The following NPR3 variants were observed in gnomAD, a reference collection of about 807,000 sequenced individuals.
NPR3 encodes natriuretic peptide receptor 3.
In NPR3, 34 loss-of-function variants were observed where a neutral mutation model predicts 54.5. The ratio of observed to expected loss-of-function variants is 0.62; its 90% CI spans 0.47 to 0.83. NPR3 has a LOEUF of 0.83. NPR3 is among the 40% of genes least tolerant of loss of function. The pLI is 0.00. For missense variants in NPR3, 674 were observed against 720.8 expected (o/e 0.94, Z 0.74); for synonymous variants, 289 against 297.1 (o/e 0.97, Z 0.28).
At chr5:32,718,243 C>A (rs547739858) in intron 1 of NPR3, among the ~76,000 whole-genome samples, 3 of 152,104 alleles carry the variant, frequency 2.0e-5, no homozygotes, top group Admixed American at 2.0e-4. Context: ...GTTACTGTAG[C>A]CTTGTAGTAT....
At chr5:32,753,925 T>C (rs1350790995) in intron 3 of NPR3, among the ~76,000 whole-genome samples, 4 of 152,332 alleles carry the variant, frequency 2.6e-5, no homozygotes, top group South Asian at 2.1e-4. Flanking sequence ...AAGTTTTGCA[T>C]TGCACTAGTA....
intron 3 of NPR3, among the ~76,000 whole-genome samples, chr5:32,751,230 C>A (rs929134115): frequency 6.6e-6 from 1 of 152,138 alleles, no homozygotes; most frequent in Non-Finnish European, 1.5e-5. Flanking sequence ...CAATTTTATA[C>A]CCTTTCTACA....
At position 32,787,152 on chromosome 5, in the gene NPR3, C is replaced by G. The variant is rs898037346; in HGVS notation, c.*807C>G. 6.6e-6 allele frequency: 1 copy of G among 152,550 alleles called. No individual in the cohort carries two copies. Among genetic ancestry groups the G allele is most frequent in the Admixed American group, 6.5e-5 (1 of 15,274 alleles). 9.4% of individuals were successfully genotyped at this position (152,550 alleles called of 1,614,324 possible). The stretch of plus-strand genomic sequence containing the variant: ...TTAAATGTTGCTTACATTTTAAAAG[C>G]ATGGGTGAAGTGTACAACAAACCAA... On this transcript the variant is annotated 3_prime_UTR_variant, in exon 8 of 8. Coordinates refer to ENST00000265074, the MANE Select transcript of NPR3 (RefSeq NM_001204375.2).
chr5:32,699,462 A>G (rs954088853), intron 1 of NPR3, among the ~76,000 whole-genome samples: 2 of 151,892 alleles, frequency 1.3e-5, no homozygotes, highest in African/African-American at 4.8e-5. Flanking sequence ...CCCTCCACTC[A>G]TCCCCTAACC....
intron 1 of NPR3, among the ~76,000 whole-genome samples, chr5:32,722,353 A>G (rs561785995): frequency 6.6e-6 from 1 of 152,170 alleles, no homozygotes; most frequent in East Asian, 1.9e-4. Context: ...CTTGCATCCT[A>G]CTGCTTATAA....
chr5:32,731,268 A>G lies in NPR3; in HGVS notation c.892+6448A>G, dbSNP rs145950991. On this transcript the variant is annotated intron_variant, in intron 2 of 7. Transcript: ENST00000265074. ...TGCTCTTATACAACTTACAAAGTATACTTGGGGTTTCTGATTAGATCCTTT... is the reference window on the plus strand; with the variant it reads ...TGCTCTTATACAACTTACAAAGTATGCTTGGGGTTTCTGATTAGATCCTTT... 3.4e-3 allele frequency among the ~76,000 whole-genome samples: 525 copies of G among 152,328 alleles called. 1 individual carries two copies. Among genetic ancestry groups the G allele is most frequent in the Non-Finnish European group, 6.2e-3 (420 of 68,028 alleles).
chr5:32,739,942 G>C (rs750189503), intron 3 of NPR3, among the ~76,000 whole-genome samples: 1 of 151,970 alleles, frequency 6.6e-6, no homozygotes, highest in East Asian at 1.9e-4. Context: ...GTGCAGTGGC[G>C]CGATCACGGC....
At chr5:32,786,136 A>G (rs1408463224) in intron 7 of NPR3, 98 bp from the exon 8 acceptor site, 3 of 614,234 alleles carry the variant, frequency 4.9e-6, no homozygotes, top group South Asian at 2.2e-5. Flanking sequence ...TCATTTATCA[A>G]CTGAAACCCA....
intron 3 of NPR3, among the ~76,000 whole-genome samples, chr5:32,740,780 G>T (rs1211653340): frequency 6.6e-6 from 1 of 152,188 alleles, no homozygotes; most frequent in Non-Finnish European, 1.5e-5. Flanking sequence ...CAGAGGCCTT[G>T]TTCGAGTGCT....
upstream of NPR3, chr5:32,710,897 TG>T (rs1242133502): frequency 5.6e-6 from 4 of 716,214 alleles, no homozygotes; most frequent in Non-Finnish European, 7.6e-6. Context: ...TGTGTATATG[TG>T]TGTGTGTGTG....
At chr5:32,728,827 GTGTGTGTGTGTATATATATATATATATA>G (rs1466935569) in intron 2 of NPR3, among the ~76,000 whole-genome samples, 1 of 81,130 alleles carries the variant, frequency 1.2e-5, no homozygotes, top group Non-Finnish European at 2.5e-5. Flanking sequence ...GTGTGTGTGT[GTGTGTGTGTGTATATATATATATATATA>G]TATATATATA....
intron 3 of NPR3, among the ~76,000 whole-genome samples, chr5:32,762,033 A>T (rs886977222): frequency 1.3e-5 from 2 of 152,144 alleles, no homozygotes; most frequent in East Asian, 3.8e-4. Context: ...ATGAGTGAGA[A>T]CATGTGGTGT....
Position 32,704,370 on chromosome 5 carries a change from TTGTGTG to T in NPR3, c.100+15212_100+15217del, listed in dbSNP as rs57959913. 2.9e-3 allele frequency among the ~76,000 whole-genome samples: 433 copies of T among 146,882 alleles called. 5 individuals carry two copies. Among genetic ancestry groups the T allele is most frequent in the South Asian group, 0.018 (80 of 4,522 alleles). ...TCTTATGAAGTGTTCTTTTGGCTCTTTGTGTGTGTGTGTGTGTGTGTGTGTGTGTGT... is the reference window on the plus strand; with the variant it reads ...TCTTATGAAGTGTTCTTTTGGCTCTTTGTGTGTGTGTGTGTGTGTGTGTGT... On this transcript the variant is annotated intron_variant, in intron 1 of 5. Transcript: ENST00000509104.
intron 1 of NPR3, among the ~76,000 whole-genome samples, chr5:32,716,997 C>T (rs189776249): frequency 3.7e-4 from 19 of 51,350 alleles, no homozygotes; most frequent in Non-Finnish European, 6.2e-4. Flanking sequence ...CATCCCCCAA[C>T]CCCCCCACCC....
chr5:32,737,666 G>A (rs1340204950), intron 2 of NPR3, among the ~76,000 whole-genome samples: 1 of 152,120 alleles, frequency 6.6e-6, no homozygotes, highest in East Asian at 1.9e-4. Flanking sequence ...AAAAGTTAGA[G>A]GTCCACCTTG....
chr5:32,742,670 A>G (rs1740095455), intron 3 of NPR3, among the ~76,000 whole-genome samples: 1 of 152,198 alleles, frequency 6.6e-6, no homozygotes, highest in South Asian at 2.1e-4. Flanking sequence ...AACAGAATTC[A>G]TATCTGTTCA....
In NPR3 at chr5:32,791,384, G is replaced by C. The variant is rs1579725593; in HGVS notation, c.*5039G>C. The C allele has an allele frequency of 6.0e-6, 1 of 167,182 alleles. No homozygotes were observed. Among genetic ancestry groups the C allele is most frequent in the Middle Eastern group, 3.4e-3 (1 of 296 alleles). The allele number at this position is 167,182 out of a possible 1,614,324, so 10.4% of individuals were successfully genotyped here. On this transcript the variant is annotated 3_prime_UTR_variant, in exon 8 of 8. Coordinates refer to ENST00000265074, the MANE Select transcript of NPR3 (RefSeq NM_001204375.2). ...GATTTAAATACAGGACTACCAAACA[G>C]TACAAATCTATCATGAGTCTGGTAG...
At chr5:32,730,777 G>A (rs1739407898) in intron 2 of NPR3, among the ~76,000 whole-genome samples, 1 of 151,968 alleles carries the variant, frequency 6.6e-6, no homozygotes, top group South Asian at 2.1e-4. Context: ...TTTTTTTGCT[G>A]AAAACTACAA....
chr5:32,783,234 A>G, intron 6 of NPR3: 1 of 464,392 alleles, frequency 2.2e-6, no homozygotes, highest in Non-Finnish European at 3.8e-6. Flanking sequence ...CAATGGTAGA[A>G]TGTTTCTTCC....
Sources: gnomAD v4.1 joint callset for allele counts (sites outside exome capture counted in the v4.1 genomes callset) on GRCh38, gnomAD v4.1.1 for gene constraint, MANE v1.5 for transcripts, NCBI Gene and HGNC (gene_info 2026-07-23, HGNC 2026-07-21) for gene names.